The following OXR1 variants were observed in gnomAD, a reference collection of about 807,000 sequenced individuals.
The protein encoded by OXR1 is oxidation resistance 1, also known as oxidation resistance protein 1.
In OXR1, 41 loss-of-function variants were observed where a neutral mutation model predicts 104.6. The observed-to-expected ratio is 0.39, with a 90% CI of 0.31 to 0.51. The LOEUF (loss-of-function observed/expected upper bound fraction) is 0.51, where lower values mean the gene tolerates loss of function less well. OXR1 is among the 20% of genes least tolerant of loss of function. OXR1 has a pLI of 0.77. For synonymous variants in OXR1, 348 were observed against 348.4 expected (o/e 1.00, Z 0.01); for missense variants, 955 against 1,031.9 (o/e 0.93, Z 1.02).
chr8:106,501,506 C>T (rs1050198238), intron 2 of OXR1, among the ~76,000 whole-genome samples: 1 of 152,162 alleles, frequency 6.6e-6, no homozygotes, highest in Non-Finnish European at 1.5e-5. Context: ...GCACTTTGCT[C>T]TTCGTTTGCA....
chr8:106,490,739 G>GT (rs1290881218), intron 2 of OXR1, among the ~76,000 whole-genome samples: 1 of 152,090 alleles, frequency 6.6e-6, no homozygotes, highest in Non-Finnish European at 1.5e-5. Flanking sequence ...AGATGGAAAT[G>GT]TAAGTGGGCA....
At chr8:106,522,111 C>G (rs1813305106) in intron 3 of OXR1, among the ~76,000 whole-genome samples, 1 of 152,098 alleles carries the variant, frequency 6.6e-6, no homozygotes. Flanking sequence ...AAAATAATAA[C>G]TAGAAAAATG....
chr8:106,552,554 A>C (rs1027145421), intron 3 of OXR1, among the ~76,000 whole-genome samples: 2 of 152,158 alleles, frequency 1.3e-5, no homozygotes, highest in African/African-American at 2.4e-5. Flanking sequence ...TTAAACCTTA[A>C]GGCCTCCTGA....
chr8:106,522,165 T>G (rs1813310197), intron 3 of OXR1, among the ~76,000 whole-genome samples: 1 of 152,176 alleles, frequency 6.6e-6, no homozygotes, highest in Admixed American at 6.5e-5. Flanking sequence ...GTGGCTTTTC[T>G]AGAATTATTT....
At chr8:106,350,826 G>A (rs1451158950) in intron 1 of OXR1, among the ~76,000 whole-genome samples, 2 of 152,070 alleles carry the variant, frequency 1.3e-5, no homozygotes, top group Admixed American at 6.6e-5. Flanking sequence ...GCAACGATTG[G>A]GGAAATAGAA....
chr8:106,597,223 G>A (rs1819601190), intron 3 of OXR1, among the ~76,000 whole-genome samples: 1 of 152,086 alleles, frequency 6.6e-6, no homozygotes, highest in Non-Finnish European at 1.5e-5. Flanking sequence ...GCCTTTGGGG[G>A]GGTGATTAAG....
intron 3 of OXR1, among the ~76,000 whole-genome samples, chr8:106,569,344 C>T (rs1195051107): frequency 6.6e-6 from 1 of 152,126 alleles, no homozygotes; most frequent in Non-Finnish European, 1.5e-5. Flanking sequence ...GGAATCATTA[C>T]ATATTGCCAA....
chr8:106,438,976 G>A (rs1371399890), intron 2 of OXR1, among the ~76,000 whole-genome samples: 1 of 152,054 alleles, frequency 6.6e-6, no homozygotes, highest in Non-Finnish European at 1.5e-5. Context: ...ATCCATGAAA[G>A]GTGCTTAGAA....
intron 1 of OXR1, among the ~76,000 whole-genome samples, chr8:106,315,512 A>G (rs1328711280): frequency 6.6e-6 from 1 of 152,182 alleles, no homozygotes; most frequent in Non-Finnish European, 1.5e-5. Flanking sequence ...AATTGCCTTA[A>G]AAATCCTTCT....
intron 1 of OXR1, among the ~76,000 whole-genome samples, chr8:106,354,642 C>T (rs1265073640): frequency 6.6e-6 from 1 of 152,000 alleles, no homozygotes; most frequent in Non-Finnish European, 1.5e-5. Flanking sequence ...TTGGTTCTTC[C>T]AAGAACCATT....
chr8:106,737,138 T>C (rs1834454213), intron 11 of OXR1, among the ~76,000 whole-genome samples: 1 of 152,182 alleles, frequency 6.6e-6, no homozygotes, highest in African/African-American at 2.4e-5. Context: ...GAGGGGGTAG[T>C]TGAAACTACC....
At chr8:106,688,192 A>G (rs576807062) in intron 6 of OXR1, among the ~76,000 whole-genome samples, 76 of 152,238 alleles carry the variant, frequency 5.0e-4, no homozygotes, top group African/African-American at 1.8e-3. Context: ...TATATTCAGG[A>G]TGAAGTTCAG....
At chr8:106,356,162 G>A (rs1045342051) in intron 1 of OXR1, among the ~76,000 whole-genome samples, 1 of 152,196 alleles carries the variant, frequency 6.6e-6, no homozygotes, top group Non-Finnish European at 1.5e-5. Context: ...CCCACAGGGA[G>A]AGGCAGCTAG....
chr8:106,374,754 G>A (rs543520716), intron 2 of OXR1, among the ~76,000 whole-genome samples: 3 of 152,258 alleles, frequency 2.0e-5, no homozygotes, highest in Admixed American at 6.5e-5. Context: ...ACTGACAGAC[G>A]ATTTTATAAA....
chr8:106,305,394 G>A lies in OXR1; in HGVS notation c.-139+35027G>A, dbSNP rs1433642732. ...GGAGAGTCAAATTTAGCTAATAACTGCTTTTAAGGGTTAACATTTCTAGGT... is the reference window on the plus strand; with the variant it reads ...GGAGAGTCAAATTTAGCTAATAACTACTTTTAAGGGTTAACATTTCTAGGT... On this transcript the variant is annotated intron_variant, in intron 1 of 16. Coordinates refer to ENST00000517566, the MANE Select transcript of OXR1 (RefSeq NM_001198533.2). 2.6e-5 allele frequency among the ~76,000 whole-genome samples: 4 copies of A among 152,040 alleles called. No homozygotes were observed. In the East Asian group the frequency reaches 7.7e-4, roughly 29 times the overall value.
At chr8:106,729,215 AG>A (rs577357203) in intron 11 of OXR1, among the ~76,000 whole-genome samples, 25 of 152,256 alleles carry the variant, frequency 1.6e-4, no homozygotes, top group Admixed American at 2.6e-4. Flanking sequence ...GTGAAAAAAC[AG>A]GGACATAGCA....
chr8:106,531,150 T>C (rs943806208), intron 3 of OXR1, among the ~76,000 whole-genome samples: 2 of 152,226 alleles, frequency 1.3e-5, no homozygotes, highest in African/African-American at 4.8e-5. Flanking sequence ...TGTTTGATCA[T>C]TAATTTGATA....
At chr8:106,729,507 A>G (rs1209288874) in intron 11 of OXR1, among the ~76,000 whole-genome samples, 1 of 152,132 alleles carries the variant, frequency 6.6e-6, no homozygotes, top group Non-Finnish European at 1.5e-5. Context: ...ACTAATAAAA[A>G]TCAGAATCAA....
At chr8:106,387,216 G>A (rs953126714) in intron 2 of OXR1, among the ~76,000 whole-genome samples, 2 of 152,198 alleles carry the variant, frequency 1.3e-5, no homozygotes, top group African/African-American at 4.8e-5. Flanking sequence ...TATCCTTGAA[G>A]CATAATTCCA....
Sources: allele counts gnomAD v4.1 joint callset (sites outside exome capture counted in the v4.1 genomes callset), GRCh38; gene constraint gnomAD v4.1.1; transcripts MANE v1.5; gene names NCBI Gene and HGNC (gene_info 2026-07-23, HGNC 2026-07-21).